Variants in EYS observed in about 807,000 individuals in gnomAD.
EYS encodes the protein EGF-like photoreceptor maintenance factor.
EYS carries 250 observed loss-of-function variants against 282.1 expected under a neutral mutation model. That is an observed-to-expected ratio of 0.89 (90% confidence interval 0.80 to 0.98). The LOEUF is 0.98. Ranked by LOEUF, EYS falls within the 50% of genes least tolerant of loss-of-function variation. EYS has a pLI of 0.00. For missense variants in EYS, 4,016 were observed against 3,709.0 expected (o/e 1.08, Z -2.15); for synonymous variants, 1,355 against 1,282.9 (o/e 1.06, Z -1.20).
At chr6:65,612,182 T>G (rs1766025700) in intron 2 of EYS, among the ~76,000 whole-genome samples, 1 of 151,122 alleles carries the variant, frequency 6.6e-6, no homozygotes, top group South Asian at 2.1e-4. Flanking sequence ...CATGTGTCTT[T>G]GAATGTAAAC....
intron 22 of EYS, among the ~76,000 whole-genome samples, chr6:64,768,374 G>A (rs1405117344): frequency 1.3e-5 from 2 of 152,118 alleles, no homozygotes; most frequent in Non-Finnish European, 2.9e-5. Flanking sequence ...TATTTAGCAA[G>A]AGGAATACTC....
chr6:64,562,281 A>G (rs1467297209), intron 26 of EYS, among the ~76,000 whole-genome samples: 2 of 151,762 alleles, frequency 1.3e-5, no homozygotes, highest in East Asian at 3.9e-4. Flanking sequence ...GTCAAATCTG[A>G]TGTTTCCTAG....
chr6:63,936,069 T>C (rs2149754476), intron 35 of EYS, among the ~76,000 whole-genome samples: 1 of 152,304 alleles, frequency 6.6e-6, no homozygotes, highest in East Asian at 1.9e-4. Flanking sequence ...AAACTTATAT[T>C]GTGATATTTG....
At chr6:65,056,045 G>T (rs1257135022) in intron 13 of EYS, among the ~76,000 whole-genome samples, 3 of 151,992 alleles carry the variant, frequency 2.0e-5, no homozygotes, top group Non-Finnish European at 2.9e-5. Flanking sequence ...TGTACAAAAA[G>T]ATGCATCTAT....
intron 31 of EYS, among the ~76,000 whole-genome samples, chr6:64,125,175 T>TCTCTCTCTCGCGCGCGCGCGCG (rs1562213596): frequency 1.3e-5 from 2 of 150,306 alleles, no homozygotes; most frequent in African/African-American, 5.0e-5. Flanking sequence ...TCTCTCTCTC[T>TCTCTCTCTCGCGCGCGCGCGCG]CGCTCTCTCT....
At chr6:64,802,033 C>CTTTTTTTTTTTTTTTT (rs70999173) in intron 22 of EYS, among the ~76,000 whole-genome samples, 2 of 112,672 alleles carry the variant, frequency 1.8e-5, no homozygotes, top group Non-Finnish European at 1.7e-5. Flanking sequence ...CTTTTTTTTT[C>CTTTTTTTTTTTTTTTT]TTTTTTTTTT....
At chr6:65,061,036 A>G (rs1442021249) in intron 12 of EYS, among the ~76,000 whole-genome samples, 1 of 151,832 alleles carries the variant, frequency 6.6e-6, no homozygotes, top group Non-Finnish European at 1.5e-5. Context: ...AAATAATAAA[A>G]TTCCAAATGA....
At chr6:65,224,152 C>T (rs1766553043) in intron 12 of EYS, among the ~76,000 whole-genome samples, 1 of 152,080 alleles carries the variant, frequency 6.6e-6, no homozygotes. Flanking sequence ...TCACATGGAA[C>T]ATCCTCTATG....
At chr6:64,804,110 A>T (rs1764351836) in intron 22 of EYS, among the ~76,000 whole-genome samples, 1 of 152,180 alleles carries the variant, frequency 6.6e-6, no homozygotes, top group Non-Finnish European at 1.5e-5. Flanking sequence ...CCACACCTAC[A>T]ATCAAAATTA....
At chr6:65,564,721 C>T (rs897001469) in intron 2 of EYS, among the ~76,000 whole-genome samples, 5 of 151,988 alleles carry the variant, frequency 3.3e-5, no homozygotes, top group African/African-American at 9.7e-5. Flanking sequence ...TGGGCAAAGA[C>T]TTCACGACTT....
chr6:65,479,304 C>T (rs1419907328), intron 5 of EYS, among the ~76,000 whole-genome samples: 2 of 152,146 alleles, frequency 1.3e-5, no homozygotes, highest in Non-Finnish European at 1.5e-5. Context: ...AATTAAAGTT[C>T]TGGTAGAATT....
At chr6:64,642,521 T>A (rs1410095690) in intron 22 of EYS, among the ~76,000 whole-genome samples, 1 of 152,206 alleles carries the variant, frequency 6.6e-6, no homozygotes, top group Non-Finnish European at 1.5e-5. Flanking sequence ...ACATAGCCCT[T>A]TCTGTGCTGT....
chr6:65,481,234 AATT>A (rs1277653909), intron 5 of EYS, among the ~76,000 whole-genome samples: 2 of 152,140 alleles, frequency 1.3e-5, no homozygotes, highest in African/African-American at 4.8e-5. Context: ...TTATAAATAT[AATT>A]ATTAAGTGTC....
intron 5 of EYS, among the ~76,000 whole-genome samples, chr6:65,414,711 G>A (rs376664170): frequency 6.6e-6 from 1 of 152,098 alleles, no homozygotes. Flanking sequence ...ACATCCAAGT[G>A]AGGTTGGTTT....
chr6:65,323,973 C>A (rs1301900544), intron 11 of EYS, among the ~76,000 whole-genome samples: 2 of 152,260 alleles, frequency 1.3e-5, no homozygotes, highest in African/African-American at 4.8e-5. Context: ...TCTCACCTCT[C>A]CCTCTTGCTT....
chr6:65,655,878 G>A (rs999302123), intron 1 of EYS, among the ~76,000 whole-genome samples: 18 of 151,826 alleles, frequency 1.2e-4, no homozygotes, highest in African/African-American at 4.1e-4. Flanking sequence ...AAAGTTAGTT[G>A]AGAAAGCAGT....
intron 22 of EYS, among the ~76,000 whole-genome samples, chr6:64,739,295 C>G (rs1772289062): frequency 6.6e-6 from 1 of 152,144 alleles, no homozygotes; most frequent in African/African-American, 2.4e-5. Flanking sequence ...ATGCCATTTA[C>G]TGGAGGAACT....
intron 35 of EYS, among the ~76,000 whole-genome samples, chr6:63,895,093 C>G (rs1211564073): frequency 1.3e-5 from 2 of 151,714 alleles, no homozygotes; most frequent in Non-Finnish European, 2.9e-5. Context: ...TGGGTCACCC[C>G]CCATGGCCTC....
intron 15 of EYS, among the ~76,000 whole-genome samples, chr6:64,916,572 A>C (rs1030835377): frequency 1.3e-5 from 2 of 152,196 alleles, no homozygotes; most frequent in African/African-American, 4.8e-5. Flanking sequence ...GAAAAGGAAA[A>C]CATATTTGAT....
Sources: gnomAD v4.1 joint callset for allele counts (sites outside exome capture counted in the v4.1 genomes callset) on GRCh38, gnomAD v4.1.1 for gene constraint, MANE v1.5 for transcripts, NCBI Gene and HGNC (gene_info 2026-07-23, HGNC 2026-07-21) for gene names.